Variants in KCNIP4 observed in about 807,000 individuals in gnomAD.
The protein encoded by KCNIP4 is Kv channel-interacting protein 4.
In KCNIP4, 12 loss-of-function variants were observed where a neutral mutation model predicts 34.0. That is an observed-to-expected ratio of 0.35 (90% CI 0.23 to 0.57). The LOEUF is 0.57. Ranked by LOEUF, KCNIP4 falls within the 20% of genes least tolerant of loss-of-function variation. KCNIP4 has a pLI of 0.83. For synonymous variants in KCNIP4, 124 were observed against 102.2 expected (o/e 1.21, Z -1.29); for missense variants, 238 against 311.7 (o/e 0.76, Z 1.78).
At chr4:21,008,193 G>C (rs2149727714) in intron 1 of KCNIP4, among the ~76,000 whole-genome samples, 1 of 152,254 alleles carries the variant, frequency 6.6e-6, no homozygotes, top group South Asian at 2.1e-4. Context: ...CCAATTATCT[G>C]AGTTATATTT....
chr4:21,697,056 T>C (rs554274284), intron 1 of KCNIP4, among the ~76,000 whole-genome samples: 132 of 151,892 alleles, frequency 8.7e-4, no homozygotes, highest in Non-Finnish European at 1.8e-3. Flanking sequence ...TGCACAATCA[T>C]GTATTTAAAA....
intron 1 of KCNIP4, among the ~76,000 whole-genome samples, chr4:21,274,415 A>T (rs1034188308): frequency 6.6e-6 from 1 of 152,224 alleles, no homozygotes; most frequent in Non-Finnish European, 1.5e-5. Context: ...TCCCTTTGGG[A>T]TATGACATTT....
chr4:21,112,187 T>A (rs558993514), intron 1 of KCNIP4, among the ~76,000 whole-genome samples: 1 of 152,120 alleles, frequency 6.6e-6, no homozygotes, highest in Non-Finnish European at 1.5e-5. Flanking sequence ...ACTTGAAAGG[T>A]TAGCATGTAC....
intron 1 of KCNIP4, among the ~76,000 whole-genome samples, chr4:20,994,877 T>G (rs991083934): frequency 6.6e-6 from 1 of 152,170 alleles, no homozygotes; most frequent in African/African-American, 2.4e-5. Context: ...GAGCATGACT[T>G]TCAAAGACAT....
Position 21,058,525 on chromosome 4 carries a change from C to T in KCNIP4, c.62-175816G>A, listed in dbSNP as rs894137550. 4.6e-5 allele frequency among the ~76,000 whole-genome samples: 7 copies of T among 152,144 alleles called. No homozygotes were observed. In the South Asian group the frequency reaches 1.2e-3, roughly 27 times the overall value. On this transcript the variant is annotated intron_variant, in intron 1 of 8. Transcript: ENST00000382152. ...CTGCTTCTAAACTCCATTTGTTTCA[C>T]CTGTAAAATGGGGATAATTATGGTC...
At chr4:21,463,374 T>C (rs1475702037) in intron 1 of KCNIP4, among the ~76,000 whole-genome samples, 2 of 152,096 alleles carry the variant, frequency 1.3e-5, no homozygotes, top group Non-Finnish European at 2.9e-5. Context: ...ATTTGTGTTT[T>C]TGTGATTGAG....
intron 8 of KCNIP4, among the ~76,000 whole-genome samples, 179 bp from the exon 9 acceptor site, chr4:20,730,308 G>T (rs756762493): frequency 4.6e-5 from 7 of 152,150 alleles, no homozygotes; most frequent in Non-Finnish European, 8.8e-5. Flanking sequence ...CCACATAGAT[G>T]ACTATGAAGG....
intron 1 of KCNIP4, among the ~76,000 whole-genome samples, chr4:21,528,739 GAAA>G (rs1560489682): frequency 0.058 from 329 of 5,670 alleles, 33 homozygotes; most frequent in East Asian, 0.12. Context: ...AAGAAAGAAA[GAAA>G]GAAAGAAAGA....
intron 1 of KCNIP4, among the ~76,000 whole-genome samples, chr4:21,394,961 TGGGCTC>T (rs1407315685): frequency 2.6e-5 from 4 of 151,638 alleles, no homozygotes; most frequent in Non-Finnish European, 5.9e-5. Flanking sequence ...TCACAAGCAC[TGGGCTC>T]ACAAAGACTA....
chr4:21,230,741 A>T (rs1022578983), intron 1 of KCNIP4, among the ~76,000 whole-genome samples: 2 of 151,898 alleles, frequency 1.3e-5, no homozygotes, highest in Admixed American at 1.3e-4. Context: ...TATGTACCAC[A>T]TTTTCTTTAC....
chr4:21,448,195 A>C (rs960155626), intron 1 of KCNIP4, among the ~76,000 whole-genome samples: 4 of 152,168 alleles, frequency 2.6e-5, no homozygotes, highest in African/African-American at 9.7e-5. Flanking sequence ...TTTTGGTAGA[A>C]ATATAAGTGC....
chr4:21,285,807 C>A (rs1256508986), intron 1 of KCNIP4, among the ~76,000 whole-genome samples: 1 of 152,176 alleles, frequency 6.6e-6, no homozygotes, highest in Non-Finnish European at 1.5e-5. Context: ...TACCACTGCA[C>A]TCCAGGCTGG....
chr4:21,881,168 G>A (rs1726437092), intron 1 of KCNIP4, among the ~76,000 whole-genome samples: 1 of 152,006 alleles, frequency 6.6e-6, no homozygotes, highest in African/African-American at 2.4e-5. Flanking sequence ...GAGAAATTTT[G>A]CTGTTCTGTC....
intron 1 of KCNIP4, among the ~76,000 whole-genome samples, chr4:20,944,875 C>G (rs201636138): frequency 6.7e-6 from 1 of 149,338 alleles, no homozygotes; most frequent in African/African-American, 2.5e-5. Flanking sequence ...CGTGTTTATA[C>G]TTATTTATTG....
At chr4:20,783,716 C>T (rs1026896681) in intron 3 of KCNIP4, among the ~76,000 whole-genome samples, 3 of 152,138 alleles carry the variant, frequency 2.0e-5, no homozygotes, top group South Asian at 2.1e-4. Flanking sequence ...TGAACTAGGG[C>T]TCTACCATTA....
At chr4:21,681,883 T>A (rs1029972452) in intron 1 of KCNIP4, among the ~76,000 whole-genome samples, 31 of 146,046 alleles carry the variant, frequency 2.1e-4, no homozygotes, top group Non-Finnish European at 3.4e-4. Context: ...CTTTTTTTTT[T>A]ATTTTTATTT....
chr4:20,909,831 C>T (rs1728161482), intron 1 of KCNIP4, among the ~76,000 whole-genome samples: 1 of 152,088 alleles, frequency 6.6e-6, no homozygotes, highest in Non-Finnish European at 1.5e-5. Flanking sequence ...CTAGTACATC[C>T]TTCTCTCTTA....
At chr4:20,983,983 T>TTACAGAATC in intron 1 of KCNIP4, 1 of 1,526,060 alleles carries the variant, frequency 6.6e-7, no homozygotes, top group Non-Finnish European at 8.7e-7. Flanking sequence ...AGGGAGTTAA[T>TTACAGAATC]TACAGAATCG....
chr4:21,688,890 G>A (rs1454419986), intron 1 of KCNIP4, among the ~76,000 whole-genome samples: 1 of 151,826 alleles, frequency 6.6e-6, no homozygotes, highest in South Asian at 2.1e-4. Context: ...TTTTTTCAGA[G>A]GAACATATTT....
Sources: allele counts gnomAD v4.1 joint callset (sites outside exome capture counted in the v4.1 genomes callset), GRCh38; gene constraint gnomAD v4.1.1; transcripts MANE v1.5; gene names NCBI Gene and HGNC (gene_info 2026-07-23, HGNC 2026-07-21).